RBFOX3: variants seen among roughly 807,000 people sequenced by gnomAD.
RBFOX3 encodes RNA binding fox-1 homolog 3.
RBFOX3 carries 17 observed loss-of-function variants against 48.7 expected under a neutral mutation model. The observed-to-expected ratio is 0.35, with a 90% CI of 0.24 to 0.52. RBFOX3 has a LOEUF of 0.52. Among genes scored for constraint, RBFOX3 ranks in the 20% least tolerant of loss-of-function variants. The pLI is 0.94. For synonymous variants in RBFOX3, 212 were observed against 209.5 expected (o/e 1.01, Z -0.10); for missense variants, 382 against 497.5 (o/e 0.77, Z 2.21).
At chr17:79,478,018 C>T (rs925017631) in intron 2 of RBFOX3, among the ~76,000 whole-genome samples, 1 of 152,158 alleles carries the variant, frequency 6.6e-6, no homozygotes, top group African/African-American at 2.4e-5. Context: ...ACGTCCCATC[C>T]GCTTCTGGTA....
chr17:79,224,089 T>A (rs888252216), intron 4 of RBFOX3, among the ~76,000 whole-genome samples: 1 of 152,112 alleles, frequency 6.6e-6, no homozygotes, highest in African/African-American at 2.4e-5. Flanking sequence ...GATTCTTCTT[T>A]CCCAAACAGT....
Position 79,198,114 on chromosome 17 carries a change from G to A in RBFOX3, c.-34+37652C>T, listed in dbSNP as rs967323231. On this transcript the variant is annotated intron_variant, in intron 4 of 14. Transcript: ENST00000693108. This position sits in a 1 kb window ranked among gnomAD's most constrained non-coding sequence, Gnocchi z 8.2. The stretch of plus-strand genomic sequence containing the variant: ...GCTACGGTTGCATCGTGTGGGGTGG[G>A]CTGTCATCCCGGAAGTGCTACGGTT... Among the ~76,000 whole-genome samples the A allele has an allele frequency of 2.7e-5, 4 of 150,888 alleles. No individual in the cohort carries two copies. The highest frequency in any genetic ancestry group is 5.9e-5 in the Non-Finnish European group (4 of 67,778).
intron 1 of RBFOX3, chr17:79,516,277 T>C (rs1275689433): frequency 1.3e-5 from 2 of 152,232 alleles, no homozygotes; most frequent in African/African-American, 4.8e-5. Flanking sequence ...AGACATTGAA[T>C]TGAAGAGAAC....
At chr17:79,157,678 A>C (rs1164374716) in intron 4 of RBFOX3, among the ~76,000 whole-genome samples, 2 of 152,142 alleles carry the variant, frequency 1.3e-5, no homozygotes, top group African/African-American at 4.8e-5. Context: ...CGGGGGACAG[A>C]GGCCAGGGCA....
chr17:79,234,653 G>T (rs576150727), intron 4 of RBFOX3: 1 of 149,604 alleles, frequency 6.7e-6, no homozygotes, highest in Admixed American at 6.6e-5. Context: ...ACTTACGAAG[G>T]TTTGACTTAC....
At chr17:79,451,433 G>A (rs2073485247) in intron 2 of RBFOX3, among the ~76,000 whole-genome samples, 1 of 152,144 alleles carries the variant, frequency 6.6e-6, no homozygotes, top group African/African-American at 2.4e-5. Flanking sequence ...ATCATCTTGG[G>A]GATAGAGAGG....
At chr17:79,358,681 G>A (rs567824026) in intron 2 of RBFOX3, among the ~76,000 whole-genome samples, 2 of 151,604 alleles carry the variant, frequency 1.3e-5, no homozygotes, top group East Asian at 2.0e-4. Flanking sequence ...GGCTGGTCTC[G>A]AACTCCTGAC....
intron 4 of RBFOX3, among the ~76,000 whole-genome samples, chr17:79,211,026 G>A (rs887383953): frequency 3.4e-5 from 5 of 148,838 alleles, no homozygotes; most frequent in Non-Finnish European, 7.4e-5. Flanking sequence ...TGGGGTGCGT[G>A]ACTCACATGT....
At chr17:79,215,853 C>T (rs888783661) in intron 4 of RBFOX3, among the ~76,000 whole-genome samples, 3 of 152,266 alleles carry the variant, frequency 2.0e-5, no homozygotes, top group African/African-American at 4.8e-5. Flanking sequence ...GTGTCCTTTG[C>T]TTTTGTCCCC....
At chr17:79,632,254 C>T in the RBFOX3 span, among the ~76,000 whole-genome samples, 3 of 152,028 alleles carry the variant, frequency 2.0e-5, no homozygotes, top group African/African-American at 4.8e-5. Flanking sequence ...ACGGGTTTTC[C>T]ATCACCTGGG....
chr17:79,285,767 T>A (rs1205731579), intron 3 of RBFOX3, among the ~76,000 whole-genome samples: 2 of 152,228 alleles, frequency 1.3e-5, no homozygotes, highest in Non-Finnish European at 2.9e-5. Context: ...CATTGCAACC[T>A]CCGCCTCCTG....
chr17:79,331,190 C>T (rs919103639), intron 2 of RBFOX3, among the ~76,000 whole-genome samples: 1 of 152,224 alleles, frequency 6.6e-6, no homozygotes, highest in Non-Finnish European at 1.5e-5. Flanking sequence ...CCTCCCTGAG[C>T]CTCATGGACT....
the RBFOX3 span, among the ~76,000 whole-genome samples, chr17:79,659,008 C>T: frequency 6.6e-6 from 1 of 152,118 alleles, no homozygotes; most frequent in Admixed American, 6.5e-5. Context: ...GAGTGTGGTC[C>T]GGGCAGCTCT....
At chr17:79,531,768 C>A (rs1221687094) in intron 1 of RBFOX3, among the ~76,000 whole-genome samples, 1 of 152,204 alleles carries the variant, frequency 6.6e-6, no homozygotes, top group African/African-American at 2.4e-5. Flanking sequence ...AACGAAAGAG[C>A]TCTACCTCTT....
chr17:79,190,563 T>C (rs2054310731), intron 4 of RBFOX3, among the ~76,000 whole-genome samples: 2 of 152,114 alleles, frequency 1.3e-5, no homozygotes, highest in African/African-American at 4.8e-5. Flanking sequence ...CAGAGACACG[T>C]GCTCTCTTTT....
At position 79,583,246 on chromosome 17, in the gene RBFOX3, G is replaced by A. The variant is rs1009423968; in HGVS notation, c.-320+27580C>T. Among the ~76,000 whole-genome samples the A allele has an allele frequency of 1.2e-3, 182 of 152,302 alleles. 1 individual carries two copies. Among genetic ancestry groups the A allele is most frequent in the African/African-American group, 4.1e-3 (171 of 41,556 alleles). The stretch of plus-strand genomic sequence containing the variant: ...TGGTAAAGCAGGGCCCTCTTTCACA[G>A]GGATGCTTTGAGGATGCAGTAAGCT... On this transcript the variant is annotated intron_variant, in intron 1 of 14. Transcript: ENST00000693108.
At chr17:79,524,431 AAAAACACCCACACC>A (rs2086532801) in intron 1 of RBFOX3, among the ~76,000 whole-genome samples, 1 of 152,172 alleles carries the variant, frequency 6.6e-6, no homozygotes, top group Non-Finnish European at 1.5e-5. Context: ...TTTAAAGAGG[AAAAACACCCACACC>A]AAAACACACC....
the RBFOX3 span, among the ~76,000 whole-genome samples, chr17:79,653,994 T>TCACCTGAACAGTATGATTTTGAAAG: frequency 3.9e-5 from 6 of 152,088 alleles, no homozygotes; most frequent in Admixed American, 3.9e-4. Context: ...GTTTGGTTTG[T>TCACCTGAACAGTATGATTTTGAAAG]CACCTGAACA....
intron 2 of RBFOX3, among the ~76,000 whole-genome samples, chr17:79,382,278 C>T (rs536850052): frequency 1.3e-5 from 2 of 152,330 alleles, no homozygotes; most frequent in South Asian, 2.1e-4. Context: ...GTTGTCAGGA[C>T]AGCAGCATCC....
Sources: allele counts gnomAD v4.1 joint callset (sites outside exome capture counted in the v4.1 genomes callset), GRCh38; gene constraint gnomAD v4.1.1; non-coding constraint Gnocchi (gnomAD v3.1); transcripts MANE v1.5; gene names NCBI Gene and HGNC (gene_info 2026-07-23, HGNC 2026-07-21).